Variants in DNAH9 observed in about 807,000 individuals in gnomAD.
The protein encoded by DNAH9 is DNAH9 variant protein.
Under a neutral mutation model 471.6 loss-of-function variants are expected in DNAH9, and 345 were observed. The observed-to-expected ratio is 0.73, with a 90% CI of 0.67 to 0.80. The LOEUF (loss-of-function observed/expected upper bound fraction) is 0.80. Ranked by LOEUF, DNAH9 falls within the 30% of genes least tolerant of loss-of-function variation. DNAH9 has a pLI of 0.00. For synonymous variants in DNAH9, 2,093 were observed against 2,123.6 expected (o/e 0.99, Z 0.40); for missense variants, 5,407 against 5,609.2 (o/e 0.96, Z 1.15).
At chr17:11,725,005 A>T (rs1199931276) in intron 27 of DNAH9, among the ~76,000 whole-genome samples, 1 of 152,184 alleles carries the variant, frequency 6.6e-6, no homozygotes, top group East Asian at 1.9e-4. Flanking sequence ...CCCAGCCTAG[A>T]TCCCTCACAT....
chr17:11,888,415 AC>A (rs1189446354), intron 57 of DNAH9, among the ~76,000 whole-genome samples: 1 of 152,038 alleles, frequency 6.6e-6, no homozygotes, highest in Non-Finnish European at 1.5e-5. Flanking sequence ...CCACAGGATC[AC>A]CCCCCTGGTT....
chr17:11,750,646 A>G (rs1298582779), intron 32 of DNAH9, among the ~76,000 whole-genome samples: 2 of 152,188 alleles, frequency 1.3e-5, no homozygotes, highest in Non-Finnish European at 2.9e-5. Flanking sequence ...TGATTTTACT[A>G]CTTGCAAATC....
chr17:11,929,902 G>A lies in DNAH9; in HGVS notation c.11914G>A (p.Glu3972Lys). 1.1e-5 allele frequency: 18 copies of A among 1,613,998 alleles called. No individual in the cohort carries two copies. Among genetic ancestry groups the A allele is most frequent in the Non-Finnish European group, 1.5e-5 (18 of 1,179,968 alleles). Residue 3972 changes from glutamate (E) to lysine (K), a missense_variant, in exon 63 of 69, where the codon GAG becomes AAG. Glu to Lys is a moderately conservative substitution (Grantham distance 56, BLOSUM62 1). Coordinates refer to ENST00000262442, the MANE Select transcript of DNAH9 (RefSeq NM_001372.4). ...HLVAKWLSTL[E>K]KKLEEHSENS... ...GGTGGCCAAGTGGCTCAGCACCCTG[G>A]AGAAGAAGCTGGAGGAGCACAGTGA...
intron 43 of DNAH9, among the ~76,000 whole-genome samples, chr17:11,804,939 C>T (rs977621711): frequency 1.3e-5 from 2 of 151,038 alleles, no homozygotes; most frequent in African/African-American, 2.4e-5. Flanking sequence ...CTCCGCTACT[C>T]GCTACTCGGG....
At chr17:11,887,223 A>G (rs2151000771) in intron 57 of DNAH9, among the ~76,000 whole-genome samples, 1 of 152,314 alleles carries the variant, frequency 6.6e-6, no homozygotes, top group African/African-American at 2.4e-5. Context: ...TTCAGTAGGC[A>G]CACATGATAC....
intron 61 of DNAH9, among the ~76,000 whole-genome samples, chr17:11,917,826 C>T (rs1233379503): frequency 6.6e-6 from 1 of 152,106 alleles, no homozygotes; most frequent in African/African-American, 2.4e-5. Flanking sequence ...CTTTTTGTCA[C>T]ATCCTCTCAA....
chr17:11,883,520 G>C, intron 55 of DNAH9, 66 bp from the exon 56 acceptor site: 2 of 1,572,302 alleles, frequency 1.3e-6, no homozygotes, highest in South Asian at 2.3e-5. Flanking sequence ...GCCCTATTCA[G>C]ACACATCCTT....
At position 11,866,034 on chromosome 17, in the gene DNAH9, G is replaced by A. The variant is rs994146352; in HGVS notation, c.9934-3100G>A. 2.4e-4 allele frequency among the ~76,000 whole-genome samples: 36 copies of A among 152,286 alleles called. No homozygotes were observed. In the South Asian group the frequency reaches 4.4e-3, roughly 18 times the overall value. The stretch of plus-strand genomic sequence containing the variant: ...TCTCAACTCGTCAAAGTCATTCTCC[G>A]TCCAGCTTTGTTCTATTGCTGGTGA... On this transcript the variant is annotated intron_variant, in intron 50 of 68. Coordinates refer to ENST00000262442, the MANE Select transcript of DNAH9 (RefSeq NM_001372.4).
At chr17:11,724,049 A>ATT (rs1227522204) in intron 27 of DNAH9, among the ~76,000 whole-genome samples, 1 of 152,154 alleles carries the variant, frequency 6.6e-6, no homozygotes, top group African/African-American at 2.4e-5. Context: ...TACATGTTAT[A>ATT]TTTTGATGCA....
intron 45 of DNAH9, among the ~76,000 whole-genome samples, chr17:11,810,806 C>T (rs1032676100): frequency 6.6e-6 from 1 of 152,118 alleles, no homozygotes; most frequent in African/African-American, 2.4e-5. Context: ...CACAGTAGGG[C>T]AAGATGAGGT....
At chr17:11,657,757 G>A (rs892521540) in intron 14 of DNAH9, among the ~76,000 whole-genome samples, 1 of 151,774 alleles carries the variant, frequency 6.6e-6, no homozygotes, top group Non-Finnish European at 1.5e-5. Context: ...GTTTTCCATA[G>A]TAACATCTGA....
In DNAH9 at chr17:11,932,004, C is replaced by T. The variant is rs2286305; in HGVS notation, c.12106-10C>T. 283,797 of 1,612,952 alleles carry T rather than the reference C, an allele frequency of 0.18. 25,633 individuals carry two copies. The highest frequency in any genetic ancestry group is 0.25 in the Admixed American group (15,008 of 59,936). On this transcript the variant is annotated splice_polypyrimidine_tract_variant and intron_variant, in intron 63 of 68. Coordinates refer to ENST00000262442, the MANE Select transcript of DNAH9 (RefSeq NM_001372.4). This position sits in a 1 kb window ranked among gnomAD's most constrained non-coding sequence, Gnocchi z 4.3. ...GTGTGCGAACCTTAAAAGCGACACTCTCATTTCAGGACACTCTGGAGATGT... is the reference window on the plus strand; with the variant it reads ...GTGTGCGAACCTTAAAAGCGACACTTTCATTTCAGGACACTCTGGAGATGT...
At chr17:11,766,850 A>G (rs947671236) in intron 36 of DNAH9, among the ~76,000 whole-genome samples, 5 of 152,042 alleles carry the variant, frequency 3.3e-5, no homozygotes, top group Admixed American at 6.6e-5. Flanking sequence ...GGTGCCTGTA[A>G]TCCCAGCTAC....
chr17:11,601,876 G>A (rs2072394247), intron 1 of DNAH9, among the ~76,000 whole-genome samples: 1 of 152,184 alleles, frequency 6.6e-6, no homozygotes, highest in Non-Finnish European at 1.5e-5. Context: ...GTGTGTGTGT[G>A]GGCGGGGCGG....
Position 11,646,141 on chromosome 17 carries a change from A to G in DNAH9, c.1971-931A>G, listed in dbSNP as rs144912485. Among the ~76,000 whole-genome samples the G allele has an allele frequency of 7.9e-5, 12 of 151,344 alleles. No individual in the cohort carries two copies. In the East Asian group the frequency reaches 2.3e-3, roughly 30 times the overall value. ...TGATCTGCCTGCCGTGGCCTCCTAA[A>G]GTGCTGGGATTACAGGTGTGAGCCA... is the stretch of plus-strand genomic sequence containing the variant. On this transcript the variant is annotated intron_variant, in intron 11 of 68. Transcript: ENST00000262442.
At chr17:11,823,586 A>G (rs1045445542) in intron 48 of DNAH9, among the ~76,000 whole-genome samples, 3 of 152,206 alleles carry the variant, frequency 2.0e-5, no homozygotes, top group Non-Finnish European at 4.4e-5. Flanking sequence ...GTCTCATTTC[A>G]TGCATCTCTA....
intron 50 of DNAH9, among the ~76,000 whole-genome samples, chr17:11,854,790 G>A (rs1971564711): frequency 6.6e-6 from 1 of 152,136 alleles, no homozygotes; most frequent in Non-Finnish European, 1.5e-5. Context: ...CTATCTGCCT[G>A]TCTCACTTTC....
At chr17:11,616,143 G>C (rs1405383154) in intron 4 of DNAH9, among the ~76,000 whole-genome samples, 1 of 152,106 alleles carries the variant, frequency 6.6e-6, no homozygotes, top group East Asian at 1.9e-4. Context: ...GGACAGGATT[G>C]GTTGTTTCAT....
rs1974564561 is a variant in DNAH9, at chr17:11,932,838, C to T, written c.12297+633C>T. The stretch of plus-strand genomic sequence containing the variant: ...AGCATGGCAGGTAGACTGTGATCAG[C>T]AGGAAGAGACTTCACACTCGCCTGA... On this transcript the variant is annotated intron_variant, in intron 64 of 68. Coordinates refer to ENST00000262442, the MANE Select transcript of DNAH9 (RefSeq NM_001372.4). The surrounding 1 kb of genome is among the most constrained non-coding windows in gnomAD (Gnocchi z 4.3). Among the ~76,000 whole-genome samples, 1 of 152,050 alleles carries T rather than the reference C, an allele frequency of 6.6e-6. No individual in the cohort carries two copies. Among genetic ancestry groups the T allele is most frequent in the Non-Finnish European group, 1.5e-5 (1 of 68,014 alleles).
Sources: gnomAD v4.1 joint callset for allele counts (sites outside exome capture counted in the v4.1 genomes callset) on GRCh38, gnomAD v4.1.1 for gene constraint, Gnocchi (gnomAD v3.1) non-coding constraint, MANE v1.5 for transcripts, NCBI Gene and HGNC (gene_info 2026-07-23, HGNC 2026-07-21) for gene names.